KIAA1217: variants seen among roughly 807,000 people sequenced by gnomAD.
KIAA1217 encodes the protein KIAA1217.
Under a neutral mutation model 163.9 loss-of-function variants are expected in KIAA1217, and 88 were observed. The observed-to-expected ratio is 0.54, with a 90% CI of 0.45 to 0.64. The LOEUF is 0.64. Among genes scored for constraint, KIAA1217 ranks in the 30% least tolerant of loss-of-function variants. The pLI is 0.00. For missense variants in KIAA1217, 2,372 were observed against 2,475.0 expected (o/e 0.96, Z 0.88); for synonymous variants, 903 against 923.1 (o/e 0.98, Z 0.39).
intron 1 of KIAA1217, among the ~76,000 whole-genome samples, chr10:23,701,678 A>G (rs755178057): frequency 7.9e-5 from 12 of 152,212 alleles, no homozygotes; most frequent in Non-Finnish European, 1.2e-4. Context: ...GCCTGTATAA[A>G]TAGCCTAAAT....
At chr10:24,006,856 C>T (rs1252448622) in intron 1 of KIAA1217, among the ~76,000 whole-genome samples, 5 of 152,196 alleles carry the variant, frequency 3.3e-5, no homozygotes, top group African/African-American at 9.7e-5. Context: ...TGCGAGTCTG[C>T]AATGGTTCAG....
chr10:24,294,727 C>A (rs987329899), intron 2 of KIAA1217, among the ~76,000 whole-genome samples: 1 of 152,166 alleles, frequency 6.6e-6, no homozygotes, highest in African/African-American at 2.4e-5. Flanking sequence ...ACTTTAAGAT[C>A]TCCATTTAGT....
chr10:23,945,303 G>T (rs528880703), intron 1 of KIAA1217, among the ~76,000 whole-genome samples: 1 of 152,130 alleles, frequency 6.6e-6, no homozygotes, highest in Admixed American at 6.5e-5. Context: ...CAATAAAAGA[G>T]GTAAATATTG....
intron 1 of KIAA1217, among the ~76,000 whole-genome samples, chr10:23,826,002 A>G (rs1837878104): frequency 2.6e-5 from 4 of 152,162 alleles, no homozygotes; most frequent in Admixed American, 2.6e-4. Flanking sequence ...AAAAATTGTT[A>G]GTTACCATCT....
rs143807094 is a variant in KIAA1217, at chr10:23,909,917, G to A, written c.-320-97308G>A. On this transcript the variant is annotated intron_variant, in intron 1 of 18. Coordinates refer to the KIAA1217 transcript ENST00000376462. ...ACTAATTTACACTGCCACCAACAGC[G>A]TAAAAGCATTCCTATTTCTCTGCAT... Among the ~76,000 whole-genome samples, 61 of 152,264 alleles carry A rather than the reference G, an allele frequency of 4.0e-4. 1 individual carries two copies. In the East Asian group the frequency reaches 7.0e-3, roughly 17 times the overall value.
chr10:24,096,390 A>G (rs565020740), intron 2 of KIAA1217, among the ~76,000 whole-genome samples: 5 of 151,646 alleles, frequency 3.3e-5, no homozygotes, highest in African/African-American at 1.2e-4. Flanking sequence ...TCTTATCTGC[A>G]CTCCTCCTCC....
chr10:24,005,982 A>C (rs1846978237), intron 1 of KIAA1217, among the ~76,000 whole-genome samples: 3 of 152,160 alleles, frequency 2.0e-5, no homozygotes, highest in Non-Finnish European at 4.4e-5. Context: ...CCCAGAAATC[A>C]AATGGTTTCG....
At chr10:24,128,995 A>G (rs1197665200) in intron 2 of KIAA1217, among the ~76,000 whole-genome samples, 1 of 152,194 alleles carries the variant, frequency 6.6e-6, no homozygotes, top group African/African-American at 2.4e-5. Flanking sequence ...GTCGGAGTGC[A>G]TTTCCCTAAC....
chr10:24,028,224 A>C (rs192197626), intron 2 of KIAA1217, among the ~76,000 whole-genome samples: 137 of 152,184 alleles, frequency 9.0e-4, no homozygotes, highest in African/African-American at 3.0e-3. Context: ...AGGGTGGGTT[A>C]TGGTGTGGGA....
In KIAA1217 at chr10:24,476,129, T is replaced by C. The variant is rs78307526; in HGVS notation, c.1679+2069T>C. Among the ~76,000 whole-genome samples, 715 of 152,310 alleles carry C rather than the reference T, an allele frequency of 4.7e-3. 6 individuals are homozygous for C. Among genetic ancestry groups the C allele is most frequent in the African/African-American group, 0.016 (679 of 41,568 alleles). On this transcript the variant is annotated intron_variant, in intron 6 of 20. Transcript: ENST00000376454. ...TGAAAACAGATTAGTTTAGATGTAATATTCTTTTGGGAATAGTGCTGAAAT... is the reference window on the plus strand; with the variant it reads ...TGAAAACAGATTAGTTTAGATGTAACATTCTTTTGGGAATAGTGCTGAAAT...
At chr10:24,131,809 T>C (rs2063662339) in intron 2 of KIAA1217, among the ~76,000 whole-genome samples, 1 of 152,150 alleles carries the variant, frequency 6.6e-6, no homozygotes, top group Non-Finnish European at 1.5e-5. Flanking sequence ...GAAATAAACT[T>C]TTGGCATGTT....
At chr10:23,996,542 C>A (rs925392796) in intron 1 of KIAA1217, among the ~76,000 whole-genome samples, 1 of 151,938 alleles carries the variant, frequency 6.6e-6, no homozygotes, top group African/African-American at 2.4e-5. Flanking sequence ...AGTAAATGTT[C>A]GCTGAAAGAA....
chr10:23,757,789 A>T (rs1833998057), intron 1 of KIAA1217, among the ~76,000 whole-genome samples: 1 of 152,198 alleles, frequency 6.6e-6, no homozygotes, highest in Non-Finnish European at 1.5e-5. Context: ...AAGTGCTGGG[A>T]TTACAGGCAT....
At chr10:23,942,600 C>T (rs1843826777) in intron 1 of KIAA1217, among the ~76,000 whole-genome samples, 1 of 152,122 alleles carries the variant, frequency 6.6e-6, no homozygotes, top group Admixed American at 6.6e-5. Flanking sequence ...ACTTACCCAT[C>T]AACAAATCTT....
intron 1 of KIAA1217, among the ~76,000 whole-genome samples, chr10:23,931,871 G>A (rs1054032189): frequency 3.3e-5 from 5 of 152,158 alleles, no homozygotes; most frequent in Admixed American, 6.5e-5. Flanking sequence ...GGCTTGGACA[G>A]TAAAGGATAA....
chr10:23,875,267 C>T (rs1441571724), intron 1 of KIAA1217, among the ~76,000 whole-genome samples: 1 of 151,948 alleles, frequency 6.6e-6, no homozygotes, highest in Non-Finnish European at 1.5e-5. Flanking sequence ...GTTCTAAGAT[C>T]CCTCTTTATA....
chr10:24,097,164 C>T (rs544345557), intron 2 of KIAA1217, among the ~76,000 whole-genome samples: 1 of 152,114 alleles, frequency 6.6e-6, no homozygotes, highest in African/African-American at 2.4e-5. Context: ...AGGAATATAG[C>T]CTGGATTAGA....
chr10:24,043,766 T>C (rs1254786839), intron 2 of KIAA1217, among the ~76,000 whole-genome samples: 1 of 152,190 alleles, frequency 6.6e-6, no homozygotes, highest in Non-Finnish European at 1.5e-5. Context: ...GTATATCCTT[T>C]TTTAAACAAA....
chr10:24,263,139 CAG>C (rs2075883403), intron 2 of KIAA1217, among the ~76,000 whole-genome samples: 1 of 152,092 alleles, frequency 6.6e-6, no homozygotes, highest in Admixed American at 6.6e-5. Flanking sequence ...GGGCTGATAC[CAG>C]AGAGTGTGGA....
Sources: allele counts gnomAD v4.1 joint callset (sites outside exome capture counted in the v4.1 genomes callset), GRCh38; gene constraint gnomAD v4.1.1; transcripts MANE v1.5; gene names NCBI Gene and HGNC (gene_info 2026-07-23, HGNC 2026-07-21).